DLGAP2: variants seen among roughly 807,000 people sequenced by gnomAD.
DLGAP2 encodes disks large-associated protein 2.
DLGAP2 carries 26 observed loss-of-function variants against 100.3 expected under a neutral mutation model. That is an observed-to-expected ratio of 0.26 (90% CI 0.19 to 0.36). The LOEUF (loss-of-function observed/expected upper bound fraction) is 0.36. Ranked by LOEUF, DLGAP2 falls within the 10% of genes least tolerant of loss-of-function variation. The pLI, the probability that DLGAP2 is intolerant of heterozygous loss-of-function variation, is 1.00. For synonymous variants in DLGAP2, 886 were observed against 630.1 expected (o/e 1.41, Z -6.08); for missense variants, 1,858 against 1,453.2 (o/e 1.28, Z -4.53).
chr8:1,558,113 C>T (rs1802028199), intron 5 of DLGAP2, among the ~76,000 whole-genome samples: 1 of 152,196 alleles, frequency 6.6e-6, no homozygotes, highest in African/African-American at 2.4e-5. Flanking sequence ...GGCATCCACG[C>T]ATCCTGGGGG....
intron 1 of DLGAP2, among the ~76,000 whole-genome samples, chr8:755,781 C>T (rs1294265497): frequency 4.6e-5 from 7 of 152,190 alleles, no homozygotes; most frequent in Non-Finnish European, 8.8e-5. Flanking sequence ...GTGATGCCCC[C>T]AGGTGTGCTT....
intron 2 of DLGAP2, among the ~76,000 whole-genome samples, chr8:1,132,959 C>T (rs1170900862): frequency 1.3e-5 from 2 of 152,164 alleles, no homozygotes; most frequent in Admixed American, 6.5e-5. Context: ...CTCCAAGGCC[C>T]TCAGGGAGAA....
At chr8:898,318 G>A (rs571711540) in intron 1 of DLGAP2, among the ~76,000 whole-genome samples, 97 of 152,248 alleles carry the variant, frequency 6.4e-4, no homozygotes, top group African/African-American at 2.3e-3. Flanking sequence ...AGGCCTTGGG[G>A]TGACTTCACT....
intron 2 of DLGAP2, among the ~76,000 whole-genome samples, chr8:1,046,576 A>G (rs1161172012): frequency 1.3e-5 from 2 of 152,198 alleles, no homozygotes; most frequent in Admixed American, 1.3e-4. Flanking sequence ...TTTTTCACCT[A>G]ATATCTGTGT....
chr8:1,343,247 G>A (rs1319783929), intron 3 of DLGAP2, among the ~76,000 whole-genome samples: 1 of 152,196 alleles, frequency 6.6e-6, no homozygotes, highest in Non-Finnish European at 1.5e-5. Flanking sequence ...GGTGAGAGGT[G>A]CGCAGGGCAG....
intron 2 of DLGAP2, among the ~76,000 whole-genome samples, chr8:1,053,248 A>G (rs751177506): frequency 6.6e-6 from 1 of 152,158 alleles, no homozygotes; most frequent in African/African-American, 2.4e-5. Context: ...TGGCCAGTCT[A>G]TTTGGGCAAA....
chr8:1,139,119 C>T (rs1471113562), intron 2 of DLGAP2, among the ~76,000 whole-genome samples: 1 of 152,206 alleles, frequency 6.6e-6, no homozygotes, highest in Non-Finnish European at 1.5e-5. Flanking sequence ...TTCCTGAGCG[C>T]CTGCTGCCGG....
At chr8:865,561 C>T (rs1316377159) in intron 1 of DLGAP2, among the ~76,000 whole-genome samples, 2 of 152,322 alleles carry the variant, frequency 1.3e-5, no homozygotes, top group South Asian at 2.1e-4. Context: ...TCTTCATCTG[C>T]CTTCTCATCC....
intron 3 of DLGAP2, among the ~76,000 whole-genome samples, chr8:1,342,305 C>T (rs1448635234): frequency 6.6e-6 from 1 of 152,170 alleles, no homozygotes; most frequent in African/African-American, 2.4e-5. Context: ...AACCTCCCAA[C>T]CTCACATATT....
chr8:1,682,231 G>A (rs1047205961), intron 12 of DLGAP2, among the ~76,000 whole-genome samples: 3 of 152,260 alleles, frequency 2.0e-5, no homozygotes, highest in Admixed American at 6.5e-5. Context: ...GTTCTCCCGC[G>A]TTAGCCATTG....
intron 13 of DLGAP2, among the ~76,000 whole-genome samples, chr8:1,696,944 T>C (rs73549753): frequency 0.017 from 2,597 of 152,360 alleles, 60 homozygotes; most frequent in East Asian, 0.064. Flanking sequence ...CTGTGCTACG[T>C]GTTTTTAGGC....
At chr8:1,212,841 G>A (rs144503540) in intron 2 of DLGAP2, among the ~76,000 whole-genome samples, 30 of 133,932 alleles carry the variant, frequency 2.2e-4, no homozygotes, top group African/African-American at 8.6e-4. Context: ...AGAATGACAT[G>A]TATATGTACT....
At chr8:1,255,198 T>C (rs1799166320) in intron 2 of DLGAP2, among the ~76,000 whole-genome samples, 2 of 104,950 alleles carry the variant, frequency 1.9e-5, no homozygotes, top group African/African-American at 4.9e-5. Context: ...GCCTGGGTGC[T>C]GTGTGTGTGC....
At chr8:872,233 C>T (rs1013001791) in intron 1 of DLGAP2, among the ~76,000 whole-genome samples, 7 of 151,634 alleles carry the variant, frequency 4.6e-5, no homozygotes, top group African/African-American at 1.7e-4. Flanking sequence ...TATTCAACTT[C>T]AAAGCCAGAA....
chr8:1,000,204 G>A (rs554100378), intron 2 of DLGAP2, among the ~76,000 whole-genome samples: 1 of 150,956 alleles, frequency 6.6e-6, no homozygotes, highest in South Asian at 2.1e-4. Flanking sequence ...CTTTTGCACT[G>A]GATTTTCTCT....
intron 3 of DLGAP2, among the ~76,000 whole-genome samples, chr8:1,386,583 C>CA (rs1563120154): frequency 6.6e-6 from 1 of 152,196 alleles, no homozygotes; most frequent in African/African-American, 2.4e-5. Flanking sequence ...GCCAGCCACA[C>CA]AGAGTCTCTG....
chr8:940,591 C>G (rs958666693), intron 2 of DLGAP2, among the ~76,000 whole-genome samples: 1 of 152,026 alleles, frequency 6.6e-6, no homozygotes, highest in Non-Finnish European at 1.5e-5. Flanking sequence ...AGGGCTCTGG[C>G]AACAGCTGGG....
At chr8:1,543,223 A>G (rs1321668586) in intron 4 of DLGAP2, among the ~76,000 whole-genome samples, 2 of 152,118 alleles carry the variant, frequency 1.3e-5, no homozygotes, top group Non-Finnish European at 2.9e-5. Context: ...TATTTTATCT[A>G]TATTTTTTCC....
At chr8:1,357,193 C>T (rs1243901627) in intron 3 of DLGAP2, among the ~76,000 whole-genome samples, 1 of 152,106 alleles carries the variant, frequency 6.6e-6, no homozygotes, top group Non-Finnish European at 1.5e-5. Context: ...ATCTCAGTCG[C>T]AAGGGTGCTC....
Sources: allele counts gnomAD v4.1 joint callset (sites outside exome capture counted in the v4.1 genomes callset), GRCh38; gene constraint gnomAD v4.1.1; transcripts MANE v1.5; gene names NCBI Gene and HGNC (gene_info 2026-07-23, HGNC 2026-07-21).